Variants in PCNT observed in about 807,000 individuals in gnomAD.
The protein encoded by PCNT is kendrin.
Under a neutral mutation model 380.4 loss-of-function variants are expected in PCNT, and 319 were observed. The observed-to-expected ratio is 0.84, with a 90% CI of 0.77 to 0.92. The LOEUF (loss-of-function observed/expected upper bound fraction) is 0.92, where lower values mean the gene tolerates loss of function less well. Ranked by LOEUF, PCNT falls within the 40% of genes least tolerant of loss-of-function variation. The pLI is 0.00. For synonymous variants in PCNT, 1,845 were observed against 1,735.2 expected, an observed-to-expected ratio of 1.06 and a Z score of -1.57; for missense variants, 4,400 against 4,255.3, an observed-to-expected ratio of 1.03 and a Z score of -0.95.
At position 46,432,139 on chromosome 21, in the gene PCNT, G is replaced by A; in HGVS notation, c.8675G>A (p.Arg2892Lys). Residue 2892 changes from arginine to lysine, a missense_variant, in exon 38 of 47, where the codon AGG becomes AAG. Arg to Lys is a conservative substitution (Grantham distance 26). Coordinates refer to ENST00000359568, the MANE Select transcript of PCNT (RefSeq NM_006031.6). ...LKEQEGRKAARRSAEARQSPA... is the reference protein window; with the variant it reads ...LKEQEGRKAAKRSAEARQSPA... ...GAGCAAGAAGGACGCAAGGCTGCGAGGAGGAGCGCGGAGGCCAGGCAGAGC... is the reference window on the plus strand; with the variant it reads ...GAGCAAGAAGGACGCAAGGCTGCGAAGAGGAGCGCGGAGGCCAGGCAGAGC... The A allele has an allele frequency of 6.2e-7, 1 of 1,613,934 alleles. No individual in the cohort carries two copies. Among genetic ancestry groups the A allele is most frequent in the South Asian group, 1.1e-5 (1 of 91,072 alleles).
At chr21:46,444,573 C>T in intron 45 of PCNT, 121 bp from the exon 46 acceptor site, 1 of 1,039,632 alleles carries the variant, frequency 9.6e-7, no homozygotes, top group East Asian at 2.5e-5. Context: ...CACCCATCCC[C>T]ACGGGTCTGG....
In PCNT at chr21:46,381,854, G is replaced by A. The variant is rs371666981; in HGVS notation, c.3312+14G>A. 34 of 1,613,672 alleles carry A rather than the reference G, an allele frequency of 2.1e-5. No individual in the cohort carries two copies. In the East Asian group the frequency reaches 3.1e-4, roughly 15 times the overall value. On this transcript the variant is annotated intron_variant, in intron 16 of 46. Transcript: ENST00000359568. ...CAAGTCCAGCAGGTGTGTGGAATAC[G>A]CTGTTCCCTTGTGATAAGACGTGTA...
chr21:46,324,410 T>A, intron 1 of PCNT, 128 bp downstream of exon 1: 1 of 832,642 alleles, frequency 1.2e-6, no homozygotes, highest in South Asian at 1.4e-5. Flanking sequence ...GTCTCGCTTT[T>A]TCCCGCCGGC....
At chr21:46,333,390 C>T (rs949294664) in intron 2 of PCNT, among the ~76,000 whole-genome samples, 9 of 151,790 alleles carry the variant, frequency 5.9e-5, no homozygotes, top group African/African-American at 2.2e-4. Flanking sequence ...TGAGATTGTG[C>T]CACTGCACTC....
chr21:46,327,346 A>G (rs1476476517), intron 2 of PCNT, among the ~76,000 whole-genome samples: 2 of 151,988 alleles, frequency 1.3e-5, no homozygotes, highest in East Asian at 2.0e-4. Context: ...GGCATGAGCC[A>G]CCGTGCCCGG....
intron 10 of PCNT, among the ~76,000 whole-genome samples, chr21:46,353,751 T>TGTGTGTGTGTGAGA (rs59894003): frequency 7.7e-5 from 8 of 104,316 alleles, no homozygotes; most frequent in African/African-American, 2.9e-4. Context: ...TGTGTGTGTG[T>TGTGTGTGTGTGAGA]GAGAGAGACA....
chr21:46,398,211 C>T (rs900435181), intron 23 of PCNT, 24 bp from the exon 24 acceptor site: 1 of 1,608,254 alleles, frequency 6.2e-7, no homozygotes, highest in Non-Finnish European at 8.5e-7. Flanking sequence ...AAATTTTTGC[C>T]TTCCATGTAC....
intron 15 of PCNT, among the ~76,000 whole-genome samples, chr21:46,370,521 A>G (rs2839231): frequency 0.76 from 115,060 of 151,838 alleles, 44,736 homozygotes; most frequent in African/African-American, 0.93. Flanking sequence ...TGACAGGGGA[A>G]GCCACGCTTA....
intron 27 of PCNT, among the ~76,000 whole-genome samples, chr21:46,410,118 G>A (rs1237897775): frequency 4.6e-5 from 7 of 152,216 alleles, no homozygotes; most frequent in East Asian, 3.8e-4. Flanking sequence ...GACAACGGCC[G>A]GTGCCGCACA....
At position 46,409,215 on chromosome 21, in the gene PCNT, G is replaced by A. The variant is rs554520272; in HGVS notation, c.5116-1974G>A. Among the ~76,000 whole-genome samples the A allele has an allele frequency of 1.2e-4, 15 of 120,754 alleles. No individual in the cohort carries two copies. The South Asian group carries it at 3.9e-3, about 31-fold the overall frequency. The allele number at this position is 120,754 out of a possible 152,430, so 79.2% of individuals were successfully genotyped here. A position where few individuals can be genotyped will look rare whatever the true frequency, so the allele number is the denominator to read the frequency against. ...CTTTTTTTTTTTTTTTTTTGACAGA[G>A]TCTCTCTCTGTTGCCCAGGCTAGAG... On this transcript the variant is annotated intron_variant, in intron 27 of 46. Transcript: ENST00000359568.
chr21:46,412,129 G>A (rs1159284396), intron 28 of PCNT, 62 bp downstream of exon 28: 14 of 1,554,038 alleles, frequency 9.0e-6, no homozygotes, highest in Admixed American at 1.8e-5. Context: ...CTCCTTTGAT[G>A]TCAATGACTT....
intron 18 of PCNT, 22 bp from the exon 19 acceptor site, chr21:46,389,177 C>T: frequency 1.2e-6 from 2 of 1,605,502 alleles, no homozygotes; most frequent in Non-Finnish European, 8.5e-7. Flanking sequence ...GCCGCGTGTG[C>T]CGGCATCTGC....
chr21:46,424,852 TGTTTA>T (rs1411072621), intron 32 of PCNT, among the ~76,000 whole-genome samples: 1 of 152,010 alleles, frequency 6.6e-6, no homozygotes, highest in East Asian at 1.9e-4. Context: ...ACATACGTTA[TGTTTA>T]AAGTAAAAGT....
chr21:46,398,229 C>G lies in PCNT; in HGVS notation c.4564-6C>G. The G allele has an allele frequency of 6.2e-7, 1 of 1,607,832 alleles. No individual in the cohort carries two copies. ...TTTTTGCCTTCCATGTACATGAAAT[C>G]GGCAGCAGGCGCCGCTGGATGGAGA... On this transcript the variant is annotated splice_polypyrimidine_tract_variant and splice_region_variant and intron_variant, in intron 23 of 46. Transcript: ENST00000359568.
intron 44 of PCNT, 200 bp downstream of exon 44, chr21:46,442,773 A>AT (rs1601224631): frequency 3.2e-6 from 2 of 628,748 alleles, no homozygotes; most frequent in Non-Finnish European, 5.7e-6. Flanking sequence ...TTAGCTATGA[A>AT]CACAGGTCAC....
intron 38 of PCNT, 104 bp downstream of exon 38, chr21:46,432,319 CCTGGTCTGCT>C: frequency 1.8e-6 from 2 of 1,121,238 alleles, no homozygotes; most frequent in Non-Finnish European, 2.6e-6. Flanking sequence ...GGCCCTCTGA[CCTGGTCTGCT>C]CTGGTCTGTG....
Position 46,422,213 on chromosome 21 carries a change from C to T in PCNT, c.7179+89C>T, listed in dbSNP as rs2087282924. On this transcript the variant is annotated intron_variant, in intron 32 of 46. Coordinates refer to ENST00000359568, the MANE Select transcript of PCNT (RefSeq NM_006031.6). ...CTGTGTCCTGCCTTGCCGGGGAGAG[C>T]CTTGGAGGGCCAGCTTTTCCTGGGT... The T allele has an allele frequency of 2.0e-6, 3 of 1,501,954 alleles. No homozygotes were observed. The Admixed American group carries it at 5.5e-5, about 27-fold the overall frequency. 93.0% of individuals were successfully genotyped at this position (1,501,954 alleles called of 1,614,324 possible). A position where few individuals can be genotyped will look rare whatever the true frequency, so the allele number is the denominator to read the frequency against.
At chr21:46,423,687 G>T (rs1332630160) in intron 32 of PCNT, among the ~76,000 whole-genome samples, 2 of 136,850 alleles carry the variant, frequency 1.5e-5, no homozygotes. Context: ...GGCAGCAGCT[G>T]CGAAGCAGAG....
chr21:46,428,726 C>A (rs2087615441), intron 35 of PCNT, 136 bp downstream of exon 35: 4 of 827,080 alleles, frequency 4.8e-6, no homozygotes, highest in Non-Finnish European at 7.8e-6. Flanking sequence ...CCATGGTTGT[C>A]AGCTGATAGG....
Sources: gnomAD v4.1 joint callset for allele counts (sites outside exome capture counted in the v4.1 genomes callset) on GRCh38, gnomAD v4.1.1 for gene constraint, MANE v1.5 for transcripts, NCBI Gene and HGNC (gene_info 2026-07-23, HGNC 2026-07-21) for gene names.